Variants in ERC1 observed in about 807,000 individuals in gnomAD.
The protein encoded by ERC1 is RAB6 interacting protein 2.
Under a neutral mutation model 132.0 loss-of-function variants are expected in ERC1, and 56 were observed. That is an observed-to-expected ratio of 0.42 (90% confidence interval 0.34 to 0.53). The LOEUF (loss-of-function observed/expected upper bound fraction) is 0.53. Ranked by LOEUF, ERC1 falls within the 20% of genes least tolerant of loss-of-function variation. ERC1 has a pLI of 0.03. For missense variants in ERC1, 1,202 were observed against 1,349.9 expected (o/e 0.89, Z 1.72); for synonymous variants, 478 against 476.1 (o/e 1.00, Z -0.05).
chr12:1,288,472 T>A (rs1416200184), intron 14 of ERC1, among the ~76,000 whole-genome samples: 1 of 152,192 alleles, frequency 6.6e-6, no homozygotes, highest in African/African-American at 2.4e-5. Flanking sequence ...CTGAAGACAT[T>A]TAACTTGCTC....
Position 1,398,804 on chromosome 12 carries a change from C to T in ERC1, c.2926-9345C>T, listed in dbSNP as rs548835069. On this transcript the variant is annotated intron_variant, in intron 16 of 18. Transcript: ENST00000360905. ...TGACTTTTAAGATGGTACCTTGTTG[C>T]TGTATCCTCCAGAGGGCAGGGACGC... 2.6e-5 allele frequency among the ~76,000 whole-genome samples: 4 copies of T among 152,210 alleles called. No individual in the cohort carries two copies. In the South Asian group the frequency reaches 8.3e-4, roughly 32 times the overall value.
chr12:1,308,413 A>C (rs1241894754), intron 15 of ERC1, among the ~76,000 whole-genome samples: 1 of 152,196 alleles, frequency 6.6e-6, no homozygotes, highest in East Asian at 1.9e-4. Context: ...TGCATGCATA[A>C]ATTGAAAGAA....
intron 15 of ERC1, among the ~76,000 whole-genome samples, chr12:1,326,043 T>C (rs1315747447): frequency 6.6e-6 from 1 of 152,182 alleles, no homozygotes; most frequent in Non-Finnish European, 1.5e-5. Flanking sequence ...TTCTTGTTCC[T>C]TTGGAGAAAA....
chr12:1,316,907 C>G (rs1298025537), intron 15 of ERC1, among the ~76,000 whole-genome samples: 3 of 152,158 alleles, frequency 2.0e-5, no homozygotes, highest in Non-Finnish European at 4.4e-5. Flanking sequence ...TGCCTGTAAT[C>G]CCAGCACTTT....
In ERC1 at chr12:1,418,625, TTCTTTCTTTCTTTCTTTC is replaced by T. The variant is rs1156236680; in HGVS notation, c.3024+10382_3024+10399del. Among the ~76,000 whole-genome samples, 228 of 114,832 alleles carry T rather than the reference TTCTTTCTTTCTTTCTTTC, an allele frequency of 2.0e-3. 3 individuals carry two copies. Among genetic ancestry groups the T allele is most frequent in the African/African-American group, 4.3e-3 (87 of 20,418 alleles). 75.3% of individuals were successfully genotyped at this position (114,832 alleles called of 152,430 possible). On this transcript the variant is annotated intron_variant, in intron 17 of 18. Coordinates refer to ENST00000360905, the MANE Select transcript of ERC1 (RefSeq NM_178040.4). ...TTTCTTTCTTTCTTTCTTTCTTTCT[TTCTTTCTTTCTTTCTTTC>T]TCTCTCTCTCTCTCTCTCTTTCTTT... is the stretch of plus-strand genomic sequence containing the variant.
At chr12:1,093,235 A>G (rs1943479687) in intron 3 of ERC1, among the ~76,000 whole-genome samples, 1 of 152,204 alleles carries the variant, frequency 6.6e-6, no homozygotes, top group African/African-American at 2.4e-5. Context: ...GTAAGATTTC[A>G]ATGAAGCATT....
intron 12 of ERC1, among the ~76,000 whole-genome samples, chr12:1,194,857 T>C (rs1956069618): frequency 3.3e-5 from 5 of 152,002 alleles, no homozygotes; most frequent in Admixed American, 3.3e-4. Context: ...GAGTCTATTA[T>C]TGTGTGATCT....
intron 8 of ERC1, among the ~76,000 whole-genome samples, chr12:1,172,312 T>C (rs1403096983): frequency 6.6e-6 from 1 of 151,920 alleles, no homozygotes; most frequent in Non-Finnish European, 1.5e-5. Context: ...TCTACAAAAA[T>C]TAAAAATCGG....
At position 1,492,133 on chromosome 12, in the gene ERC1, CTG is replaced by C. The variant is rs1050283273; in HGVS notation, c.*1906_*1907del. On this transcript the variant is annotated 3_prime_UTR_variant, in exon 19 of 19. Transcript: ENST00000360905. ...CAATCCCTCTCCCTGTGAGAGGAAA[CTG>C]TGGAGCGTTTCTTATCGAAGGTTAA... The C allele has an allele frequency of 2.7e-4, 62 of 232,962 alleles. No individual in the cohort carries two copies. Among genetic ancestry groups the C allele is most frequent in the African/African-American group, 1.2e-3 (55 of 45,440 alleles). The allele number at this position is 232,962 out of a possible 1,614,324, so 14.4% of individuals were successfully genotyped here.
intron 16 of ERC1, among the ~76,000 whole-genome samples, chr12:1,394,704 G>A (rs963627057): frequency 5.9e-5 from 9 of 152,178 alleles, no homozygotes; most frequent in African/African-American, 1.9e-4. Context: ...TAGAAAAGGT[G>A]CTTGCTTCCC....
intron 15 of ERC1, among the ~76,000 whole-genome samples, chr12:1,336,162 A>T (rs1018085348): frequency 6.6e-6 from 1 of 151,834 alleles, no homozygotes; most frequent in African/African-American, 2.4e-5. Flanking sequence ...TTACTAGCCT[A>T]TTTAGCAGTT....
At chr12:1,402,399 G>A (rs1396157203) in intron 16 of ERC1, among the ~76,000 whole-genome samples, 3 of 151,906 alleles carry the variant, frequency 2.0e-5, no homozygotes, top group Admixed American at 1.3e-4. Flanking sequence ...GCATGGTGGC[G>A]GGCATCTGTA....
intron 15 of ERC1, among the ~76,000 whole-genome samples, chr12:1,340,280 G>A (rs1345939440): frequency 6.6e-6 from 1 of 152,104 alleles, no homozygotes; most frequent in African/African-American, 2.4e-5. Context: ...CAGAGTTCAG[G>A]TCTTGCAGAG....
chr12:1,401,367 G>A (rs10744539), intron 16 of ERC1, among the ~76,000 whole-genome samples: 97,380 of 152,138 alleles, frequency 0.64, 33,519 homozygotes, highest in East Asian at 0.8. Context: ...AAATAAAGGG[G>A]AGGGAGGATA....
intron 2 of ERC1, among the ~76,000 whole-genome samples, chr12:1,044,721 G>GA (rs1238179655): frequency 2.0e-5 from 3 of 152,050 alleles, no homozygotes; most frequent in African/African-American, 7.2e-5. Flanking sequence ...AGTAGCATGG[G>GA]ACCTATAAAA....
At chr12:1,172,442 T>G (rs529489088) in intron 8 of ERC1, among the ~76,000 whole-genome samples, 7 of 152,326 alleles carry the variant, frequency 4.6e-5, no homozygotes, top group Admixed American at 4.6e-4. Flanking sequence ...CACTTCAGCC[T>G]TGGTGACAGA....
At position 1,417,502 on chromosome 12, in the gene ERC1, G is replaced by A. The variant is rs186811760; in HGVS notation, c.3024+9255G>A. On this transcript the variant is annotated intron_variant, in intron 17 of 18. Coordinates refer to ENST00000360905, the MANE Select transcript of ERC1 (RefSeq NM_178040.4). The stretch of plus-strand genomic sequence containing the variant: ...CAAATCAAAAAAGATTTTGGAGGCC[G>A]AGCGCGGTGGCTCATACCTGTAATC... Among the ~76,000 whole-genome samples the A allele has an allele frequency of 3.5e-3, 536 of 151,570 alleles. 5 individuals are homozygous for A. The highest frequency in any genetic ancestry group is 0.021 in the South Asian group (101 of 4,790).
intron 18 of ERC1, among the ~76,000 whole-genome samples, chr12:1,467,949 G>C (rs1374963217): frequency 6.6e-6 from 1 of 152,220 alleles, no homozygotes; most frequent in Non-Finnish European, 1.5e-5. Context: ...GCACGCAATG[G>C]AGAGCGGCTG....
At chr12:1,398,173 G>A (rs1350951063) in intron 16 of ERC1, among the ~76,000 whole-genome samples, 1 of 151,846 alleles carries the variant, frequency 6.6e-6, no homozygotes, top group Non-Finnish European at 1.5e-5. Context: ...TTGTAGAGAT[G>A]GGGTTTCACC....
Sources: allele counts gnomAD v4.1 joint callset (sites outside exome capture counted in the v4.1 genomes callset), GRCh38; gene constraint gnomAD v4.1.1; transcripts MANE v1.5; gene names NCBI Gene and HGNC (gene_info 2026-07-23, HGNC 2026-07-21).